Variants in MYH8 observed in about 807,000 individuals in gnomAD.
MYH8 encodes the protein myosin heavy chain 8.
A neutral mutation model predicts 233.2 loss-of-function variants in MYH8; 168 were observed. The observed-to-expected ratio is 0.72, with a 90% CI of 0.64 to 0.82. The LOEUF (loss-of-function observed/expected upper bound fraction) is 0.82. Among genes scored for constraint, MYH8 ranks in the 40% least tolerant of loss-of-function variants. The probability of loss-of-function intolerance (pLI) is 0.00; values close to 1 mark genes in which losing one functional copy is unlikely to be tolerated. For missense variants in MYH8, 1,995 were observed against 2,327.8 expected (o/e 0.86, Z 2.94); for synonymous variants, 785 against 850.6 (o/e 0.92, Z 1.34).
chr17:10,392,013 G>C (rs780086806), intron 38 of MYH8, 36 bp from the exon 39 acceptor site: 2 of 1,547,442 alleles, frequency 1.3e-6, no homozygotes, highest in Non-Finnish European at 1.8e-6. Flanking sequence ...CATTCATTCC[G>C]AAGAGATAAG....
At position 10,396,474 on chromosome 17, in the gene MYH8, A is replaced by G; in HGVS notation, c.4529-20T>C. ...TCTCCTCTGTGGTTGAACAGACAGG[A>G]GAGAAATGGTCAGAAAGATGGCAAC... On this transcript the variant is annotated intron_variant, in intron 32 of 39. Coordinates refer to ENST00000403437, the MANE Select transcript of MYH8 (RefSeq NM_002472.3). The surrounding 1 kb of genome is among the most constrained non-coding windows in gnomAD (Gnocchi z 4.2). 6.2e-7 allele frequency: 1 copy of G among 1,614,058 alleles called. No homozygotes were observed. The highest frequency in any genetic ancestry group is 1.1e-5 in the South Asian group (1 of 91,050).
In MYH8 at chr17:10,412,500, G is replaced by C. The variant is rs2072251926; in HGVS notation, c.1286C>G (p.Ala429Gly). ...CTTCTCGTAGACGGCTTTGGCCAGA[G>C]CACCCACCGCATTGTACACCTTCAC... ...TVQQVYNAVG[A>G]LAKAVYEKMF... Residue 429 changes from alanine (A) to glycine (G), a missense_variant, in exon 14 of 40, where the codon GCT becomes GGT. Coordinates refer to ENST00000403437, the MANE Select transcript of MYH8 (RefSeq NM_002472.3). The C allele has an allele frequency of 6.2e-7, 1 of 1,614,218 alleles. No individual in the cohort carries two copies. Among genetic ancestry groups the C allele is most frequent in the Middle Eastern group, 1.6e-4 (1 of 6,062 alleles).
rs761674430 is a variant in MYH8 at position 10,406,806 on chromosome 17, C to A, written c.2055G>T (p.Gly685=). 2.5e-6 allele frequency: 4 copies of A among 1,614,034 alleles called. No individual in the cohort carries two copies. In the East Asian group the frequency reaches 8.9e-5, roughly 36 times the overall value. Residue 685 remains glycine (G), a splice_region_variant and synonymous_variant, in exon 19 of 40, where the codon GGG becomes GGT. Coordinates refer to ENST00000403437, the MANE Select transcript of MYH8 (RefSeq NM_002472.3). ...CIIPNETKTP[G]AMEHELVLHQ... is the part of the protein sequence containing the mutation. ...GCAACACAAGTTCATGTTCCATTGCCCCTAAAAATATAGAACAGTACTTAT... is the reference window on the plus strand; with the variant it reads ...GCAACACAAGTTCATGTTCCATTGCACCTAAAAATATAGAACAGTACTTAT...
intron 9 of MYH8, 92 bp from the exon 10 acceptor site, chr17:10,414,576 T>C (rs2142188439): frequency 1.2e-6 from 1 of 860,822 alleles, no homozygotes; most frequent in Non-Finnish European, 1.9e-6. Flanking sequence ...ATTTGGAGCA[T>C]TACATTTGGC....
intron 5 of MYH8, among the ~76,000 whole-genome samples, chr17:10,416,323 A>G (rs2072290288): frequency 6.6e-6 from 1 of 152,196 alleles, no homozygotes; most frequent in Non-Finnish European, 1.5e-5. Context: ...TATTGCATGT[A>G]TATACCACAT....
chr17:10,400,426 G>A lies in MYH8; in HGVS notation c.3699C>T (p.Asp1233=). The part of the protein sequence containing the change: ...EKSELKMETD[D]LSSNAEAISK... ...AAATGGCCTCTGCGTTACTGCTGAGGTCATCAGTCTCCATCTTCAGCTCAC... is the reference window on the plus strand; with the variant it reads ...AAATGGCCTCTGCGTTACTGCTGAGATCATCAGTCTCCATCTTCAGCTCAC... Residue 1233 remains aspartate (D), a synonymous_variant, in exon 27 of 40, where the codon GAC becomes GAT. Transcript: ENST00000403437. This position sits in a 1 kb window ranked among gnomAD's most constrained non-coding sequence, Gnocchi z 4.0. 1 of 1,613,876 alleles carries A rather than the reference G, an allele frequency of 6.2e-7. No homozygotes were observed. The highest frequency in any genetic ancestry group is 8.5e-7 in the Non-Finnish European group (1 of 1,179,962).
chr17:10,408,803 C>A (rs1187755251), intron 17 of MYH8, among the ~76,000 whole-genome samples: 1 of 152,212 alleles, frequency 6.6e-6, no homozygotes, highest in Admixed American at 6.5e-5. Context: ...TGACCTTCCA[C>A]AGGGACAGCT....
At chr17:10,409,809 G>C (rs147558817) in intron 15 of MYH8, among the ~76,000 whole-genome samples, 2 of 152,214 alleles carry the variant, frequency 1.3e-5, no homozygotes, top group East Asian at 3.9e-4. Context: ...AAGAATAGCT[G>C]GATACAAACT....
chr17:10,409,714 C>A, intron 15 of MYH8, 126 bp from the exon 16 acceptor site: 1 of 1,308,892 alleles, frequency 7.6e-7, no homozygotes, highest in Non-Finnish European at 1.1e-6. Context: ...ACCAGGGTCA[C>A]AGCTCGAAGA....
Position 10,418,811 on chromosome 17 carries a change from T to G in MYH8, c.355-10A>C, listed in dbSNP as rs368961547. The G allele has an allele frequency of 6.2e-7, 1 of 1,613,762 alleles. No individual in the cohort carries two copies. The highest frequency in any genetic ancestry group is 8.5e-7 in the Non-Finnish European group (1 of 1,179,796). On this transcript the variant is annotated splice_polypyrimidine_tract_variant and intron_variant, in intron 4 of 39. Transcript: ENST00000403437. ...AGAGGCCTGAGTAGGTCTGGGAAGA[T>G]CAGAACATTTATCATTTGGATCTCG...
In MYH8 at chr17:10,406,292, A is replaced by G. The variant is rs1231753247; in HGVS notation, c.2277T>C (p.Tyr759=). 3.1e-6 allele frequency: 5 copies of G among 1,614,094 alleles called. No individual in the cohort carries two copies. The highest frequency in any genetic ancestry group is 4.2e-6 in the Non-Finnish European group (5 of 1,179,920). Residue 759 remains tyrosine, a synonymous_variant, in exon 20 of 40, where the codon TAT becomes TAC. Coordinates refer to ENST00000403437, the MANE Select transcript of MYH8 (RefSeq NM_002472.3). ...LASIDIDHTQ[Y]KFGHTKVFFK... ...GATATACCTTGGTATGTCCAAATTT[A>G]TATTGAGTATGATCAATATCAATAG... is the stretch of plus-strand genomic sequence containing the variant.
In MYH8 at chr17:10,399,565, T is replaced by C; in HGVS notation, c.3840A>G (p.Arg1280=). The change falls in exon 28 of 40, where the codon AGA becomes AGG. Residue 1280 remains arginine, a synonymous_variant. Coordinates refer to ENST00000403437, the MANE Select transcript of MYH8 (RefSeq NM_002472.3). ...QRLINDLTAQ[R]ARLQTEAGEY... is the part of the protein sequence containing the mutation. ...TACCCGCTTCTGTCTGCAGGCGCGCTCTCTGTGCTGTGAGGTCATTGATCA... is the reference window on the plus strand; with the variant it reads ...TACCCGCTTCTGTCTGCAGGCGCGCCCTCTGTGCTGTGAGGTCATTGATCA... 6.2e-7 allele frequency: 1 copy of C among 1,613,840 alleles called. No individual in the cohort carries two copies. The highest frequency in any genetic ancestry group is 2.2e-5 in the East Asian group (1 of 44,880).
intron 37 of MYH8, 59 bp downstream of exon 37, chr17:10,392,771 AG>A: frequency 6.2e-7 from 1 of 1,614,088 alleles, no homozygotes; most frequent in Non-Finnish European, 8.5e-7. Flanking sequence ...GTAGGAAGAG[AG>A]AAGGGTAGAG....
rs762206560 is a variant in MYH8 at position 10,392,624 on chromosome 17, A to G, written c.5486T>C (p.Val1829Ala). 3 of 1,613,748 alleles carry G rather than the reference A, an allele frequency of 1.9e-6. No individual in the cohort carries two copies. Among genetic ancestry groups the G allele is most frequent in the Admixed American group, 1.7e-5 (1 of 59,978 alleles). The change falls in exon 38 of 40, where the codon GTT becomes GCT. Residue 1829 changes from valine (V) to alanine (A), a missense_variant. By Grantham distance (64) the Val-to-Ala change is moderately conservative. Around this residue, in one of 3 missense-constraint regions of MYH8, gnomAD observed 1,498 missense variants for 1,680.9 expected, o/e 0.89. Coordinates refer to ENST00000403437, the MANE Select transcript of MYH8 (RefSeq NM_002472.3). ...EARVRELEGE[V>A]ENEQKRNAEA... ...TGCATTACGTTTCTGTTCATTTTCAACCTCTCCTTCAAGCTCACGTACCTG... is the reference window on the plus strand; with the variant it reads ...TGCATTACGTTTCTGTTCATTTTCAGCCTCTCCTTCAAGCTCACGTACCTG...
chr17:10,406,156 G>T lies in MYH8; in HGVS notation c.2317C>A (p.Leu773Met). ...TCTCTCATTTCTTCCAGAAGACCCA[G>T]AAGTCCAGCTTTGAAGAAAACCTGG... The part of the protein sequence containing the change: ...HTKVFFKAGL[L>M]GLLEEMRDEK... The change falls in exon 21 of 40, where the codon CTG (leucine) becomes ATG (methionine). Residue 773 changes from leucine to methionine, a missense_variant. Leu to Met is a conservative substitution (Grantham distance 15). Transcript: ENST00000403437. 1 of 1,614,086 alleles carries T rather than the reference G, an allele frequency of 6.2e-7. No individual in the cohort carries two copies. The highest frequency in any genetic ancestry group is 1.6e-4 in the Middle Eastern group (1 of 6,062).
In MYH8 at chr17:10,413,542, G is replaced by A. The variant is rs537777925; in HGVS notation, c.1147+360C>T. ...AGCCCTGTATTTGGGCAGATTCTCT[G>A]CTGTCAGTTCCTAGGGTCTTCCTAT... On this transcript the variant is annotated intron_variant, in intron 12 of 39. Transcript: ENST00000403437. Among the ~76,000 whole-genome samples, 13 of 152,258 alleles carry A rather than the reference G, an allele frequency of 8.5e-5. No individual in the cohort carries two copies. In the South Asian group the frequency reaches 2.3e-3, roughly 27 times the overall value.
intron 21 of MYH8, 36 bp downstream of exon 21, chr17:10,406,005 G>A: frequency 6.2e-7 from 1 of 1,609,764 alleles, no homozygotes; most frequent in South Asian, 1.1e-5. Context: ...AGTCCTTAAG[G>A]GACCTTATAA....
rs1214941044 is a variant in MYH8 at position 10,396,451 on chromosome 17, T to C, written c.4532A>G (p.Glu1511Gly). The C allele has an allele frequency of 1.2e-6, 2 of 1,613,998 alleles. No homozygotes were observed. Among genetic ancestry groups the C allele is most frequent in the Non-Finnish European group, 1.7e-6 (2 of 1,180,032 alleles). The change falls in exon 33 of 40, where the codon GAG becomes GGG. Residue 1511 changes from glutamate to glycine, a missense_variant. Around this residue, in one of 3 missense-constraint regions of MYH8, gnomAD observed 1,498 missense variants for 1,680.9 expected, o/e 0.89. Transcript: ENST00000403437. This position sits in a 1 kb window ranked among gnomAD's most constrained non-coding sequence, Gnocchi z 4.2. Reference protein sequence around the residue: ...LRRENKNLQQEISDLTEQIAE... With the variant: ...LRRENKNLQQGISDLTEQIAE... ...AATCTGCTCAGTGAGGTCAGAAATC[T>C]CCTCTGTGGTTGAACAGACAGGAGA...
chr17:10,405,975 A>C, intron 21 of MYH8, 66 bp downstream of exon 21: 7 of 1,579,974 alleles, frequency 4.4e-6, no homozygotes, highest in Non-Finnish European at 6.1e-6. Context: ...AGAATTAATG[A>C]ATGAACAAGA....
Sources: allele counts gnomAD v4.1 joint callset (sites outside exome capture counted in the v4.1 genomes callset), GRCh38; gene constraint gnomAD v4.1.1; regional missense constraint gnomAD v4.1.1; non-coding constraint Gnocchi (gnomAD v3.1); transcripts MANE v1.5; gene names NCBI Gene and HGNC (gene_info 2026-07-23, HGNC 2026-07-21).